The following DLG2 variants were observed in gnomAD, a reference collection of about 807,000 sequenced individuals.
DLG2 encodes disks large homolog 2.
DLG2 carries 45 observed loss-of-function variants against 132.5 expected under a neutral mutation model. The observed-to-expected ratio is 0.34, with a 90% confidence interval of 0.27 to 0.44. The LOEUF (loss-of-function observed/expected upper bound fraction) is 0.44, where lower values mean the gene tolerates loss of function less well. Among genes scored for constraint, DLG2 ranks in the 20% least tolerant of loss-of-function variants. The pLI, the probability that DLG2 is intolerant of heterozygous loss-of-function variation, is 1.00. For synonymous variants in DLG2, 424 were observed against 419.6 expected (o/e 1.01, Z -0.13); for missense variants, 1,045 against 1,196.9 (o/e 0.87, Z 1.87).
At chr11:84,458,991 G>T (rs1024336090) in intron 7 of DLG2, among the ~76,000 whole-genome samples, 1 of 150,630 alleles carries the variant, frequency 6.6e-6, no homozygotes, top group Non-Finnish European at 1.5e-5. Flanking sequence ...AGTTCAGAGA[G>T]ATAGAATTAC....
chr11:83,939,179 T>G (rs1418130133), intron 14 of DLG2, among the ~76,000 whole-genome samples: 1 of 152,200 alleles, frequency 6.6e-6, no homozygotes, highest in Non-Finnish European at 1.5e-5. Flanking sequence ...GTAAACCACC[T>G]TATTGGTTAC....
At chr11:84,272,233 A>T (rs145914837) in intron 7 of DLG2, 87 of 402,808 alleles carry the variant, frequency 2.2e-4, no homozygotes, top group East Asian at 9.4e-4. Flanking sequence ...AGTTACAGGG[A>T]AAAATATGAT....
intron 11 of DLG2, among the ~76,000 whole-genome samples, chr11:84,038,151 G>T: frequency 6.6e-6 from 1 of 151,656 alleles, no homozygotes; most frequent in East Asian, 1.9e-4. Context: ...GCCCCAGTGT[G>T]GTTGTTCCCC....
At chr11:83,462,126 A>C (rs768422364) in intron 26 of DLG2, 33 bp from the exon 27 acceptor site, 1 of 1,364,376 alleles carries the variant, frequency 7.3e-7, no homozygotes, top group East Asian at 2.3e-5. Context: ...TAGAACATAA[A>C]GGGAATATTC....
chr11:84,730,724 G>C (rs1297783515), intron 6 of DLG2, among the ~76,000 whole-genome samples: 2 of 151,876 alleles, frequency 1.3e-5, no homozygotes, highest in Non-Finnish European at 2.9e-5. Flanking sequence ...CTGAACAATA[G>C]ATGGCTCTTC....
intron 3 of DLG2, among the ~76,000 whole-genome samples, chr11:85,538,641 C>T (rs1029028828): frequency 7.2e-5 from 11 of 151,802 alleles, no homozygotes; most frequent in Non-Finnish European, 1.5e-4. Flanking sequence ...ACATATACAC[C>T]GTGGAATGCT....
chr11:84,036,433 T>C lies in DLG2; in HGVS notation c.919+22882A>G, dbSNP rs566253847. 6.6e-5 allele frequency among the ~76,000 whole-genome samples: 10 copies of C among 152,234 alleles called. No homozygotes were observed. In the East Asian group the frequency reaches 1.9e-3, roughly 29 times the overall value. ...CCAAAATGTTTTTTTTTATTTTCAA[T>C]TGATTAATGAATCAAATGTTTCACT... On this transcript the variant is annotated intron_variant, in intron 11 of 27. Coordinates refer to ENST00000376104, the MANE Select transcript of DLG2 (RefSeq NM_001142699.3).
chr11:83,837,928 C>G (rs369208665), intron 16 of DLG2, among the ~76,000 whole-genome samples: 1 of 151,962 alleles, frequency 6.6e-6, no homozygotes, highest in African/African-American at 2.4e-5. Flanking sequence ...ACATTTTAAA[C>G]GTAGAGGCCA....
At chr11:85,587,732 G>A (rs952127551) in intron 3 of DLG2, among the ~76,000 whole-genome samples, 8 of 152,220 alleles carry the variant, frequency 5.3e-5, no homozygotes, top group East Asian at 3.9e-4. Context: ...TTTATTCATC[G>A]TGCTAGCTGT....
intron 6 of DLG2, among the ~76,000 whole-genome samples, chr11:84,613,899 G>A (rs2099599681): frequency 6.6e-6 from 1 of 152,104 alleles, no homozygotes; most frequent in Admixed American, 6.6e-5. Context: ...CACCAAGTTG[G>A]AGGCAGTCAC....
chr11:84,650,029 C>T (rs116806325), intron 6 of DLG2, among the ~76,000 whole-genome samples: 10 of 152,298 alleles, frequency 6.6e-5, no homozygotes, highest in African/African-American at 2.4e-4. Context: ...ATACAAGGTA[C>T]CAAGAAAGAA....
intron 17 of DLG2, among the ~76,000 whole-genome samples, chr11:83,809,887 C>G (rs1240668611): frequency 6.6e-6 from 1 of 152,094 alleles, no homozygotes; most frequent in Non-Finnish European, 1.5e-5. Context: ...GCATGCCATC[C>G]ATTTGCAGAG....
rs547912615 is a variant in DLG2 at position 84,682,918 on chromosome 11, C to A, written c.358-148187G>T. 9.8e-5 allele frequency among the ~76,000 whole-genome samples: 15 copies of A among 152,292 alleles called. No homozygotes were observed. The East Asian group carries it at 2.9e-3, about 29-fold the overall frequency. ...ACATGGATTCCAATACTGGATCTAT[C>A]ACTGGTTTGGTTTTAAATAAACAGG... is the stretch of plus-strand genomic sequence containing the variant. On this transcript the variant is annotated intron_variant, in intron 6 of 27. Transcript: ENST00000376104.
intron 6 of DLG2, among the ~76,000 whole-genome samples, chr11:84,681,469 T>C (rs2099729755): frequency 6.6e-6 from 1 of 152,174 alleles, no homozygotes; most frequent in African/African-American, 2.4e-5. Context: ...ATGTGTAATA[T>C]ACATTAGGAA....
At chr11:85,199,753 T>C (rs1039359255) in intron 4 of DLG2, among the ~76,000 whole-genome samples, 2 of 152,182 alleles carry the variant, frequency 1.3e-5, no homozygotes, top group African/African-American at 4.8e-5. Context: ...GTTCTAACCA[T>C]GACTTTAGAC....
intron 6 of DLG2, among the ~76,000 whole-genome samples, chr11:84,736,409 A>G (rs545221564): frequency 6.6e-6 from 1 of 151,924 alleles, no homozygotes; most frequent in African/African-American, 2.4e-5. Flanking sequence ...TTAATTCTAC[A>G]CCTACAAAAA....
chr11:84,930,605 A>C (rs893677302), intron 6 of DLG2, among the ~76,000 whole-genome samples: 6 of 151,762 alleles, frequency 4.0e-5, no homozygotes, highest in African/African-American at 1.5e-4. Flanking sequence ...GAAAACAAAA[A>C]CAAAACAAAC....
intron 3 of DLG2, among the ~76,000 whole-genome samples, chr11:85,481,669 G>C (rs973679628): frequency 1.3e-5 from 2 of 152,108 alleles, no homozygotes; most frequent in Admixed American, 6.6e-5. Context: ...CCCATGACCA[G>C]GCTGACCCCA....
rs772117731 is a variant in DLG2 at position 85,285,250 on chromosome 11, C to A, written c.156G>T (p.Pro52=). Residue 52 remains proline, a synonymous_variant, in exon 4 of 28, where the codon CCG becomes CCT. Coordinates refer to ENST00000376104, the MANE Select transcript of DLG2 (RefSeq NM_001142699.3). The part of the protein sequence containing the change: ...QKWEKTSLLA[P]CHDRLQKSSE... ...AAGATTTTTGAAGTCTGTCATGGCA[C>A]GGAGCAAGAAGGGATGTCTTCTCCC... is the stretch of plus-strand genomic sequence containing the variant. 1 of 1,611,516 alleles carries A rather than the reference C, an allele frequency of 6.2e-7. No individual in the cohort carries two copies. The highest frequency in any genetic ancestry group is 1.1e-5 in the South Asian group (1 of 90,910).
Sources: allele counts gnomAD v4.1 joint callset (sites outside exome capture counted in the v4.1 genomes callset), GRCh38; gene constraint gnomAD v4.1.1; transcripts MANE v1.5; gene names NCBI Gene and HGNC (gene_info 2026-07-23, HGNC 2026-07-21).